Variants in ACER1 observed in about 807,000 individuals in gnomAD.
The protein encoded by ACER1 is alkaline ceramidase 1.
In ACER1, 28 loss-of-function variants were observed where a neutral mutation model predicts 24.9. The observed-to-expected ratio is 1.13, with a 90% CI of 0.83 to 1.54. ACER1 has a LOEUF of 1.54. Ranked by LOEUF, ACER1 falls within the 40% of genes most tolerant of loss-of-function variation. The probability of loss-of-function intolerance (pLI) is 0.00; values close to 1 mark genes in which losing one functional copy is unlikely to be tolerated. For missense variants in ACER1, 352 were observed against 349.3 expected (o/e 1.01, Z -0.06); for synonymous variants, 132 against 131.4 (o/e 1.00, Z -0.03).
intron 1 of ACER1, among the ~76,000 whole-genome samples, chr19:6,312,819 G>A (rs928249668): frequency 1.3e-5 from 2 of 151,900 alleles, no homozygotes; most frequent in Admixed American, 1.3e-4. Context: ...GGGATTAAAG[G>A]CACGTGCCAC....
chr19:6,343,290 G>T, the ACER1 span, among the ~76,000 whole-genome samples: 74 of 152,314 alleles, frequency 4.9e-4, no homozygotes, highest in Middle Eastern at 6.8e-3. Flanking sequence ...AGTATGGAGG[G>T]TGAAGCTGTC....
intron 4 of ACER1, among the ~76,000 whole-genome samples, chr19:6,307,533 A>G (rs1298818551): frequency 1.3e-5 from 2 of 151,860 alleles, no homozygotes; most frequent in Non-Finnish European, 2.9e-5. Flanking sequence ...CTGTAATCCC[A>G]GCACTTTGGG....
At chr19:6,313,809 G>C (rs1707048461) in intron 1 of ACER1, among the ~76,000 whole-genome samples, 1 of 152,212 alleles carries the variant, frequency 6.6e-6, no homozygotes, top group Non-Finnish European at 1.5e-5. Flanking sequence ...CATAGGACAA[G>C]ACGTCCAGAT....
chr19:6,320,025 G>A (rs113863570), intron 1 of ACER1, among the ~76,000 whole-genome samples: 2,361 of 149,242 alleles, frequency 0.016, 59 homozygotes, highest in African/African-American at 0.055. Flanking sequence ...CAGGAGAATC[G>A]CTTGAACGTG....
chr19:6,312,667 C>G (rs1049383383), intron 1 of ACER1, among the ~76,000 whole-genome samples, 168 bp from the exon 2 acceptor site: 1 of 132,408 alleles, frequency 7.6e-6, no homozygotes, highest in African/African-American at 2.8e-5. Context: ...TCAGCCGACC[C>G]TTTTTTTTTT....
At chr19:6,328,825 C>G (rs1324980275) in intron 1 of ACER1, among the ~76,000 whole-genome samples, 2 of 148,740 alleles carry the variant, frequency 1.3e-5, no homozygotes, top group Non-Finnish European at 1.5e-5. Context: ...TGCCACCATG[C>G]CTGGCTAATT....
chr19:6,354,117 G>A, the ACER1 span, among the ~76,000 whole-genome samples: 57 of 151,808 alleles, frequency 3.8e-4, no homozygotes, highest in Non-Finnish European at 2.1e-4. Flanking sequence ...AGGAGGTGGA[G>A]GCTGCAGTGA....
At chr19:6,348,839 T>C in the ACER1 span, among the ~76,000 whole-genome samples, 1 of 151,602 alleles carries the variant, frequency 6.6e-6, no homozygotes, top group Non-Finnish European at 1.5e-5. Context: ...GGGTGGATCA[T>C]GAGATCAGGA....
the ACER1 span, among the ~76,000 whole-genome samples, chr19:6,355,381 C>T: frequency 1.3e-4 from 18 of 142,918 alleles, 1 homozygote; most frequent in South Asian, 6.8e-4. Flanking sequence ...AAGTGAGGAG[C>T]GCCTCTTCCC....
chr19:6,335,229 T>A (rs868663162), upstream of ACER1, among the ~76,000 whole-genome samples: 121 of 141,094 alleles, frequency 8.6e-4, 1 homozygote, highest in Middle Eastern at 3.6e-3. Flanking sequence ...ACGTTCTTTT[T>A]TTTTTTTTTT....
intron 3 of ACER1, among the ~76,000 whole-genome samples, chr19:6,310,168 A>G (rs1290046368): frequency 6.6e-6 from 1 of 151,886 alleles, no homozygotes; most frequent in African/African-American, 2.4e-5. Flanking sequence ...GCTCGCTGCA[A>G]GCTCCACCTC....
chr19:6,306,453 G>A lies in ACER1; in HGVS notation c.*261C>T, dbSNP rs1250565011. On this transcript the variant is annotated 3_prime_UTR_variant, in exon 6 of 6. Transcript: ENST00000301452. ...GTCACTGGGAGGCTGTGGACACAGA[G>A]GAGGAAATGAAAGAGGATGGGGGGG... The A allele has an allele frequency of 1.2e-5, 5 of 431,074 alleles. No homozygotes were observed. The highest frequency in any genetic ancestry group is 2.0e-5 in the African/African-American group (1 of 51,186). The allele number at this position is 431,074 out of a possible 1,614,324, so 26.7% of individuals were successfully genotyped here.
At chr19:6,353,874 A>G in the ACER1 span, among the ~76,000 whole-genome samples, 1 of 150,466 alleles carries the variant, frequency 6.6e-6, no homozygotes, top group African/African-American at 2.4e-5. Context: ...TAAAATAAAT[A>G]AAATAAAATA....
upstream of ACER1, among the ~76,000 whole-genome samples, chr19:6,336,595 C>T (rs926326192): frequency 2.0e-5 from 3 of 151,770 alleles, no homozygotes; most frequent in Non-Finnish European, 2.9e-5. Flanking sequence ...CCAAGGCAGG[C>T]GGATCACGAG....
chr19:6,338,269 G>A (rs898948533), upstream of ACER1, among the ~76,000 whole-genome samples: 1 of 152,064 alleles, frequency 6.6e-6, no homozygotes, highest in Non-Finnish European at 1.5e-5. Context: ...TGGGAGTACA[G>A]GTATGAGCTA....
chr19:6,326,252 C>T (rs937236186), intron 1 of ACER1, among the ~76,000 whole-genome samples: 3 of 151,446 alleles, frequency 2.0e-5, no homozygotes, highest in African/African-American at 7.3e-5. Context: ...CTCAGCCTCC[C>T]GAGTAGCTGG....
intron 4 of ACER1, among the ~76,000 whole-genome samples, chr19:6,308,058 G>C (rs2091560579): frequency 6.6e-6 from 1 of 152,080 alleles, no homozygotes; most frequent in African/African-American, 2.4e-5. Context: ...ACGCCAGCCT[G>C]GGTGACAGAG....
At chr19:6,309,886 A>T (rs1017744846) in intron 3 of ACER1, 52 bp from the exon 4 acceptor site, 4 of 1,607,144 alleles carry the variant, frequency 2.5e-6, no homozygotes, top group Non-Finnish European at 3.4e-6. Context: ...CTGGGATTGT[A>T]GGCATGGTCA....
intron 1 of ACER1, among the ~76,000 whole-genome samples, chr19:6,329,765 G>A (rs2091678674): frequency 6.6e-6 from 1 of 152,086 alleles, no homozygotes; most frequent in Admixed American, 6.6e-5. Flanking sequence ...GAATACGGTG[G>A]TGCAGTAACA....
Sources: allele counts gnomAD v4.1 joint callset (sites outside exome capture counted in the v4.1 genomes callset), GRCh38; gene constraint gnomAD v4.1.1; transcripts MANE v1.5; gene names NCBI Gene and HGNC (gene_info 2026-07-23, HGNC 2026-07-21).